The following CBLB variants were observed in gnomAD, a reference collection of about 807,000 sequenced individuals.
The protein encoded by CBLB is Cbl proto-oncogene B.
A neutral mutation model predicts 104.9 loss-of-function variants in CBLB; 31 were observed. The ratio of observed to expected loss-of-function variants is 0.30; its 90% CI spans 0.22 to 0.40. The LOEUF (loss-of-function observed/expected upper bound fraction) is 0.40. Among genes scored for constraint, CBLB ranks in the 10% least tolerant of loss-of-function variants. The pLI is 1.00. For synonymous variants in CBLB, 440 were observed against 422.6 expected, an observed-to-expected ratio of 1.04 and a Z score of -0.51; for missense variants, 1,062 against 1,214.6, an observed-to-expected ratio of 0.87 and a Z score of 1.87.
chr3:105,661,252 T>C (rs2152668903), intron 18 of CBLB, among the ~76,000 whole-genome samples: 1 of 152,344 alleles, frequency 6.6e-6, no homozygotes, highest in South Asian at 2.1e-4. Context: ...TACTGTTTCT[T>C]GCATCTGTAA....
chr3:105,777,300 C>A (rs1188873151), intron 3 of CBLB, among the ~76,000 whole-genome samples: 1 of 152,170 alleles, frequency 6.6e-6, no homozygotes, highest in East Asian at 1.9e-4. Flanking sequence ...GCTCTGTGGG[C>A]AATTCTAATG....
chr3:105,715,707 C>G (rs1274194994), intron 10 of CBLB, among the ~76,000 whole-genome samples: 1 of 152,168 alleles, frequency 6.6e-6, no homozygotes, highest in Admixed American at 6.5e-5. Flanking sequence ...GGCAGTCACT[C>G]TTTTAACTGA....
intron 3 of CBLB, among the ~76,000 whole-genome samples, chr3:105,787,785 T>C (rs895106790): frequency 1.3e-5 from 2 of 152,214 alleles, no homozygotes; most frequent in Non-Finnish European, 2.9e-5. Context: ...TTTTATTTTG[T>C]TCTTTACCAT....
chr3:105,729,539 G>C (rs999507497), intron 9 of CBLB, among the ~76,000 whole-genome samples: 3 of 152,062 alleles, frequency 2.0e-5, no homozygotes, highest in South Asian at 2.1e-4. Flanking sequence ...TTTTGAATGA[G>C]GAAAAAATTG....
intron 4 of CBLB, among the ~76,000 whole-genome samples, chr3:105,755,817 C>A (rs981392280): frequency 3.3e-5 from 5 of 152,174 alleles, no homozygotes; most frequent in Non-Finnish European, 7.4e-5. Flanking sequence ...AAGGCCCATC[C>A]ACAAGTCTTT....
intron 3 of CBLB, among the ~76,000 whole-genome samples, chr3:105,786,252 G>C (rs2081009490): frequency 6.6e-6 from 1 of 152,150 alleles, no homozygotes; most frequent in African/African-American, 2.4e-5. Context: ...CCTCTGGTTA[G>C]TAGAATTACT....
At chr3:105,867,656 A>C in intron 1 of CBLB, 65 bp from the exon 2 acceptor site, 3 of 1,402,252 alleles carry the variant, frequency 2.1e-6, no homozygotes, top group Non-Finnish European at 3.0e-6. Context: ...CCACCAGAAA[A>C]CTAGAGACTA....
intron 6 of CBLB, among the ~76,000 whole-genome samples, chr3:105,742,245 T>C (rs1001315596): frequency 1.3e-5 from 2 of 152,210 alleles, no homozygotes; most frequent in Non-Finnish European, 2.9e-5. Flanking sequence ...GACACAAGTA[T>C]GTCAAAATAT....
At position 105,851,836 on chromosome 3, in the gene CBLB, T is replaced by C. The variant is rs917928769; in HGVS notation, c.419+1578A>G. ...ACATTTCAGTTAATGACAGACTGCA[T>C]TTATGTTAGTGCTTTCATAAGATTA... On this transcript the variant is annotated intron_variant, in intron 3 of 18. Coordinates refer to ENST00000394030, the MANE Select transcript of CBLB (RefSeq NM_170662.5). Among the ~76,000 whole-genome samples the C allele has an allele frequency of 5.3e-5, 8 of 152,308 alleles. No individual in the cohort carries two copies. In the East Asian group the frequency reaches 1.2e-3, roughly 22 times the overall value.
At chr3:105,849,614 C>T (rs542044734) in intron 3 of CBLB, among the ~76,000 whole-genome samples, 3 of 152,146 alleles carry the variant, frequency 2.0e-5, no homozygotes, top group South Asian at 2.1e-4. Context: ...AAAACATCTA[C>T]TGAGTTAGAA....
intron 10 of CBLB, among the ~76,000 whole-genome samples, chr3:105,704,722 G>A (rs897277503): frequency 2.6e-5 from 4 of 151,746 alleles, no homozygotes; most frequent in African/African-American, 9.7e-5. Context: ...TACTACACAT[G>A]GAAAAGATTC....
At chr3:105,869,183 C>A, upstream of CBLB, 1 of 619,906 alleles carries the variant, frequency 1.6e-6, no homozygotes, top group Admixed American at 2.4e-5. Context: ...CCACGTCCTC[C>A]ACAGTACACA....
intron 9 of CBLB, 111 bp from the exon 10 acceptor site, chr3:105,720,361 G>C (rs2072620679): frequency 9.3e-6 from 9 of 968,576 alleles, no homozygotes; most frequent in Non-Finnish European, 1.3e-5. Context: ...GACTTTTTGG[G>C]GTAGGAGGTG....
At chr3:105,752,656 G>A (rs1461579894) in intron 4 of CBLB, among the ~76,000 whole-genome samples, 1 of 152,110 alleles carries the variant, frequency 6.6e-6, no homozygotes, top group East Asian at 1.9e-4. Context: ...AATTGTGCCT[G>A]GCCCCATGCT....
chr3:105,760,401 T>C (rs2077504919), intron 4 of CBLB, among the ~76,000 whole-genome samples: 1 of 152,172 alleles, frequency 6.6e-6, no homozygotes, highest in Admixed American at 6.5e-5. Context: ...CTTTCTAAAG[T>C]ACAACTGTTC....
intron 3 of CBLB, among the ~76,000 whole-genome samples, chr3:105,795,182 G>A (rs377665540): frequency 1.3e-5 from 2 of 152,302 alleles, no homozygotes; most frequent in East Asian, 3.9e-4. Flanking sequence ...AAAGTGCTGG[G>A]ATTACAGGCG....
rs563168339 is a variant in CBLB at position 105,732,128 on chromosome 3, G to A, written c.1203+1881C>T. ...TTTGTTTTCTTTGTTAGTTTAACAC[G>A]TATCCTGAAACACTGAATGATTATC... is the stretch of plus-strand genomic sequence containing the variant. On this transcript the variant is annotated intron_variant, in intron 9 of 18. Transcript: ENST00000394030. Among the ~76,000 whole-genome samples, 10 of 152,246 alleles carry A rather than the reference G, an allele frequency of 6.6e-5. No homozygotes were observed. In the South Asian group the frequency reaches 1.2e-3, roughly 19 times the overall value.
intron 9 of CBLB, among the ~76,000 whole-genome samples, chr3:105,720,689 T>C (rs2072683074): frequency 6.6e-6 from 1 of 152,174 alleles, no homozygotes; most frequent in Non-Finnish European, 1.5e-5. Context: ...GTGAGAAAAA[T>C]ACAATACTTG....
At chr3:105,784,815 T>A (rs2080770512) in intron 3 of CBLB, among the ~76,000 whole-genome samples, 1 of 152,008 alleles carries the variant, frequency 6.6e-6, no homozygotes, top group Non-Finnish European at 1.5e-5. Flanking sequence ...TAGAAACTCC[T>A]CAAGTATTTC....
Sources: allele counts gnomAD v4.1 joint callset (sites outside exome capture counted in the v4.1 genomes callset), GRCh38; gene constraint gnomAD v4.1.1; transcripts MANE v1.5; gene names NCBI Gene and HGNC (gene_info 2026-07-23, HGNC 2026-07-21).